CREBRF: variants seen among roughly 807,000 people sequenced by gnomAD.
The protein encoded by CREBRF is UPF0474 protein C5orf41.
In CREBRF, 5 loss-of-function variants were observed where a neutral mutation model predicts 66.1. The ratio of observed to expected loss-of-function variants is 0.08; its 90% CI spans 0.04 to 0.16. The LOEUF (loss-of-function observed/expected upper bound fraction) is 0.16, where lower values mean the gene tolerates loss of function less well. CREBRF is among the 10% of genes least tolerant of loss of function. CREBRF has a pLI of 1.00. For synonymous variants in CREBRF, 229 were observed against 264.4 expected (o/e 0.87, Z 1.30); for missense variants, 531 against 744.9 (o/e 0.71, Z 3.34).
intron 7 of CREBRF, among the ~76,000 whole-genome samples, chr5:173,115,856 C>T (rs1351662640): frequency 2.0e-5 from 3 of 151,248 alleles, no homozygotes; most frequent in Non-Finnish European, 3.0e-5. Flanking sequence ...GTGATCCGCC[C>T]GCCTCGGCCT....
intron 7 of CREBRF, among the ~76,000 whole-genome samples, chr5:173,112,697 G>T (rs1246881949): frequency 6.6e-6 from 1 of 152,124 alleles, no homozygotes; most frequent in Non-Finnish European, 1.5e-5. Flanking sequence ...TTAAGAATAG[G>T]CAGCAAAAAC....
chr5:173,122,558 C>T (rs1214692954), intron 7 of CREBRF, among the ~76,000 whole-genome samples: 6 of 140,540 alleles, frequency 4.3e-5, no homozygotes, highest in Non-Finnish European at 7.6e-5. Context: ...TTGGTGTCAT[C>T]TATTATTTCT....
chr5:173,081,336 T>G (rs988492854), intron 2 of CREBRF, among the ~76,000 whole-genome samples: 3 of 152,184 alleles, frequency 2.0e-5, no homozygotes, highest in Non-Finnish European at 4.4e-5. Context: ...TTGATCAGTT[T>G]TGGTTTTAGG....
rs753905877 is a variant in CREBRF at position 173,108,613 on chromosome 5, CT to C, written c.1223-4del. ...TTATGGAGCTTAAAAATTGCGGGAC[CT>C]TTTTTTAAGGCTATGAAAATGATTC... On this transcript the variant is annotated splice_polypyrimidine_tract_variant and intron_variant, in intron 4 of 8. Transcript: ENST00000296953. 5.0e-6 allele frequency: 8 copies of C among 1,594,804 alleles called. No individual in the cohort carries two copies. The Admixed American group carries it at 5.6e-5, about 11-fold the overall frequency.
chr5:173,124,876 CTCTTT>C (rs899089892), intron 8 of CREBRF, among the ~76,000 whole-genome samples: 2 of 148,580 alleles, frequency 1.3e-5, no homozygotes, highest in African/African-American at 4.9e-5. Context: ...TCTTTCTTTT[CTCTTT>C]TCTTCTTCTT....
intron 7 of CREBRF, among the ~76,000 whole-genome samples, chr5:173,117,636 T>TC (rs1561814716): frequency 1.5e-5 from 1 of 67,758 alleles, no homozygotes. Context: ...CCTCCCTCCC[T>TC]CCTTCTCTCC....
intron 8 of CREBRF, among the ~76,000 whole-genome samples, chr5:173,132,582 C>T (rs185344710): frequency 0.49 from 2,021 of 4,160 alleles, 947 homozygotes; most frequent in Non-Finnish European, 0.6. Flanking sequence ...CTCCCCCTCC[C>T]CCTCCCCTCC....
At position 173,112,387 on chromosome 5, in the gene CREBRF, TA is replaced by T. The variant is rs1581035965; in HGVS notation, c.1681+11del. 3 of 1,554,516 alleles carry T rather than the reference TA, an allele frequency of 1.9e-6. No individual in the cohort carries two copies. The highest frequency in any genetic ancestry group is 4.6e-5 in the East Asian group (2 of 43,098). On this transcript the variant is annotated intron_variant, in intron 7 of 8. Transcript: ENST00000296953. ...GCCTCAACACAGAATATGGTAAACCTAAAGTTTTAAGAAGTTGATTAACCAC... is the reference window on the plus strand; with the variant it reads ...GCCTCAACACAGAATATGGTAAACCTAAGTTTTAAGAAGTTGATTAACCAC...
In CREBRF at chr5:173,066,468, T is replaced by C. The variant is rs1677930742; in HGVS notation, c.-192+9989T>C. ...TAGTATTCTCGGTAGTTGTCTATTA[T>C]TTTGTAAACACCTCTTTTTAAAATT... On this transcript the variant is annotated intron_variant, in intron 1 of 8. Coordinates refer to ENST00000296953, the MANE Select transcript of CREBRF (RefSeq NM_153607.3). Among the ~76,000 whole-genome samples the C allele has an allele frequency of 2.0e-5, 3 of 152,230 alleles. No individual in the cohort carries two copies. In the South Asian group the frequency reaches 6.2e-4, roughly 31 times the overall value.
chr5:173,087,391 G>A (rs1317820760), intron 3 of CREBRF, among the ~76,000 whole-genome samples: 1 of 150,950 alleles, frequency 6.6e-6, no homozygotes, highest in African/African-American at 2.4e-5. Context: ...CCTACATCTA[G>A]TAATTTTAAA....
chr5:173,098,693 G>A (rs1758538988), intron 4 of CREBRF, among the ~76,000 whole-genome samples: 1 of 151,964 alleles, frequency 6.6e-6, no homozygotes, highest in Non-Finnish European at 1.5e-5. Context: ...AAAATGGAGT[G>A]TTGAAGTCCC....
At chr5:173,078,381 CAA>C (rs1458968566) in intron 1 of CREBRF, among the ~76,000 whole-genome samples, 2 of 152,126 alleles carry the variant, frequency 1.3e-5, no homozygotes, top group Admixed American at 6.5e-5. Context: ...CCATATAAAA[CAA>C]GAGCTGCAGG....
intron 2 of CREBRF, chr5:173,086,064 G>A: frequency 1.1e-6 from 1 of 898,020 alleles, no homozygotes; most frequent in Admixed American, 1.7e-5. Context: ...AAGAGTGTAT[G>A]GTTCTCTACC....
chr5:173,101,235 T>A lies in CREBRF; in HGVS notation c.1223-7389T>A, dbSNP rs1011109211. Among the ~76,000 whole-genome samples, 5 of 151,946 alleles carry A rather than the reference T, an allele frequency of 3.3e-5. No individual in the cohort carries two copies. In the East Asian group the frequency reaches 9.7e-4, roughly 30 times the overall value. ...ACACCCAGCTAATTTTTGTATTTTT[T>A]TTGTAGAGATGGGGTTTTACCATGT... On this transcript the variant is annotated intron_variant, in intron 4 of 8. Coordinates refer to ENST00000296953, the MANE Select transcript of CREBRF (RefSeq NM_153607.3).
At chr5:173,133,042 G>T (rs1270387272) in intron 8 of CREBRF, among the ~76,000 whole-genome samples, 1 of 152,100 alleles carries the variant, frequency 6.6e-6, no homozygotes, top group Non-Finnish European at 1.5e-5. Context: ...GTCTTACTAT[G>T]GAAGATGAGG....
rs1324229656 is a variant in CREBRF at position 173,138,607 on chromosome 5, C to T, written c.*4862C>T. 1 of 152,058 alleles carries T rather than the reference C, an allele frequency of 6.6e-6. No homozygotes were observed. Among genetic ancestry groups the T allele is most frequent in the Non-Finnish European group, 1.5e-5 (1 of 68,014 alleles). The allele number at this position is 152,058 out of a possible 1,614,324, so 9.4% of individuals were successfully genotyped here. A position where few individuals can be genotyped will look rare whatever the true frequency, so the allele number is the denominator to read the frequency against. On this transcript the variant is annotated 3_prime_UTR_variant, in exon 9 of 9. Transcript: ENST00000296953. Reference sequence around the variant, plus strand: ...GTGCCAAGTTTGGGTGAACTAGGTTCGGTTTGCCTCTTTCATAACAATGTA... The same window carrying T: ...GTGCCAAGTTTGGGTGAACTAGGTTTGGTTTGCCTCTTTCATAACAATGTA...
chr5:173,086,434 C>T, intron 2 of CREBRF, 67 bp from the exon 3 acceptor site: 1 of 1,453,692 alleles, frequency 6.9e-7, no homozygotes, highest in Non-Finnish European at 9.6e-7. Flanking sequence ...GGGGTTGGGG[C>T]TCATATGTGA....
chr5:173,075,594 G>A (rs1757737021), intron 1 of CREBRF, among the ~76,000 whole-genome samples: 1 of 152,182 alleles, frequency 6.6e-6, no homozygotes, highest in Non-Finnish European at 1.5e-5. Context: ...ATGGGTCCTA[G>A]TTTGCTAAAG....
chr5:173,123,309 C>T lies in CREBRF; in HGVS notation c.1804+107C>T, dbSNP rs1052939999. On this transcript the variant is annotated intron_variant, in intron 8 of 8. Coordinates refer to ENST00000296953, the MANE Select transcript of CREBRF (RefSeq NM_153607.3). ...TAGTTTAAGGAAAAACTCAAGTGCT[C>T]TCATTGTAATTACTCTCCTTTATGA... The T allele has an allele frequency of 5.0e-5, 53 of 1,068,558 alleles. No homozygotes were observed. In the Middle Eastern group the frequency reaches 1.3e-3, roughly 26 times the overall value. The allele number at this position is 1,068,558 out of a possible 1,614,324, so 66.2% of individuals were successfully genotyped here.
Sources: gnomAD v4.1 joint callset for allele counts (sites outside exome capture counted in the v4.1 genomes callset) on GRCh38, gnomAD v4.1.1 for gene constraint, MANE v1.5 for transcripts, NCBI Gene and HGNC (gene_info 2026-07-23, HGNC 2026-07-21) for gene names.